The following ADCY2 variants were observed in gnomAD, a reference collection of about 807,000 sequenced individuals.
ADCY2 encodes adenylate cyclase 2.
In ADCY2, 31 loss-of-function variants were observed where a neutral mutation model predicts 125.2. The ratio of observed to expected loss-of-function variants is 0.25; its 90% CI spans 0.19 to 0.33. The LOEUF (loss-of-function observed/expected upper bound fraction) is 0.33, where lower values mean the gene tolerates loss of function less well. Ranked by LOEUF, ADCY2 falls within the 10% of genes least tolerant of loss-of-function variation. The probability of loss-of-function intolerance (pLI) is 1.00; values close to 1 mark genes in which losing one functional copy is unlikely to be tolerated. For synonymous variants in ADCY2, 512 were observed against 548.4 expected, an observed-to-expected ratio of 0.93 and a Z score of 0.93; for missense variants, 904 against 1,418.2, an observed-to-expected ratio of 0.64 and a Z score of 5.82.
chr5:7,708,238 T>C (rs1324171017), intron 9 of ADCY2: 3 of 156,730 alleles, frequency 1.9e-5, no homozygotes, highest in African/African-American at 4.8e-5. Context: ...TTAAGTAAAA[T>C]AGGATGAACA....
intron 4 of ADCY2, among the ~76,000 whole-genome samples, chr5:7,689,110 G>A (rs1318735945): frequency 6.6e-6 from 1 of 152,180 alleles, no homozygotes; most frequent in Non-Finnish European, 1.5e-5. Context: ...GCGGGATCAG[G>A]CCATGCCCTT....
chr5:7,638,166 G>A (rs76146278), intron 4 of ADCY2, among the ~76,000 whole-genome samples: 137 of 152,234 alleles, frequency 9.0e-4, no homozygotes, highest in African/African-American at 3.2e-3. Flanking sequence ...GCCTCCAGAT[G>A]GAATTTTCTT....
chr5:7,661,272 G>C (rs1162015574), intron 4 of ADCY2, among the ~76,000 whole-genome samples: 2 of 152,088 alleles, frequency 1.3e-5, no homozygotes, highest in Non-Finnish European at 2.9e-5. Context: ...GGTAGACAAA[G>C]ATTTAAAACA....
At chr5:7,746,254 GA>G (rs1237985416) in intron 15 of ADCY2, 2 of 152,490 alleles carry the variant, frequency 1.3e-5, no homozygotes, top group African/African-American at 2.4e-5. Context: ...AGGAAGCCTA[GA>G]CGTGGCGACA....
intron 16 of ADCY2, among the ~76,000 whole-genome samples, chr5:7,763,079 G>GC (rs1743279450): frequency 6.8e-6 from 1 of 147,842 alleles, no homozygotes; most frequent in Admixed American, 6.7e-5. Context: ...TTGTTTGTTT[G>GC]TTTTTCTGTT....
chr5:7,495,117 G>C (rs909260898), intron 2 of ADCY2, among the ~76,000 whole-genome samples: 11 of 152,186 alleles, frequency 7.2e-5, no homozygotes, highest in Admixed American at 4.6e-4. Context: ...ATATCCTGGT[G>C]ACTATCTTTA....
intron 18 of ADCY2, among the ~76,000 whole-genome samples, chr5:7,779,048 C>T (rs1316929569): frequency 6.6e-6 from 1 of 152,224 alleles, no homozygotes; most frequent in Non-Finnish European, 1.5e-5. Flanking sequence ...CTGTTTCCTG[C>T]ACCCTATGCC....
chr5:7,726,425 T>G (rs754538220), intron 13 of ADCY2, among the ~76,000 whole-genome samples: 1 of 152,200 alleles, frequency 6.6e-6, no homozygotes, highest in Non-Finnish European at 1.5e-5. Flanking sequence ...CAGGGCACTG[T>G]GCTGAATGTG....
At chr5:7,630,856 G>A (rs111938078) in intron 4 of ADCY2, among the ~76,000 whole-genome samples, 3,239 of 148,080 alleles carry the variant, frequency 0.022, 115 homozygotes, top group African/African-American at 0.077. Context: ...TCATGATCTC[G>A]GCTCACTGCA....
In ADCY2 at chr5:7,555,854, GCACACACACACACA is replaced by G. The variant is rs58926524; in HGVS notation, c.570+34972_570+34985del. Among the ~76,000 whole-genome samples, 3 of 142,556 alleles carry G rather than the reference GCACACACACACACA, an allele frequency of 2.1e-5. No individual in the cohort carries two copies. The East Asian group carries it at 6.3e-4, about 30-fold the overall frequency. 93.5% of individuals were successfully genotyped at this position (142,556 alleles called of 152,430 possible). A position where few individuals can be genotyped will look rare whatever the true frequency, so the allele number is the denominator to read the frequency against. On this transcript the variant is annotated intron_variant, in intron 3 of 24. Transcript: ENST00000338316. ...CCTTCTTTTACAGACACATGTGAGCGCACACACACACACACACACACACACACACAGACATGATT... is the reference window on the plus strand; with the variant it reads ...CCTTCTTTTACAGACACATGTGAGCGCACACACACACACACAGACATGATT...
chr5:7,505,766 A>G (rs1743788700), intron 2 of ADCY2, among the ~76,000 whole-genome samples: 1 of 152,206 alleles, frequency 6.6e-6, no homozygotes, highest in African/African-American at 2.4e-5. Context: ...TGTTGAATAC[A>G]CAAGTATAAA....
At chr5:7,742,428 A>G (rs1234050223) in intron 14 of ADCY2, among the ~76,000 whole-genome samples, 2 of 152,104 alleles carry the variant, frequency 1.3e-5, no homozygotes, top group East Asian at 3.9e-4. Flanking sequence ...AAATCTGAAC[A>G]AGTATTATTA....
intron 22 of ADCY2, among the ~76,000 whole-genome samples, chr5:7,815,540 T>G (rs1745081789): frequency 6.6e-6 from 1 of 152,264 alleles, no homozygotes. Flanking sequence ...AAATGAATTC[T>G]ACGCATATAC....
intron 7 of ADCY2, among the ~76,000 whole-genome samples, chr5:7,704,367 G>C (rs1741192469): frequency 6.6e-6 from 1 of 152,190 alleles, no homozygotes; most frequent in Non-Finnish European, 1.5e-5. Flanking sequence ...AGGCACTTCA[G>C]CTGCAGTTTT....
intron 14 of ADCY2, among the ~76,000 whole-genome samples, chr5:7,732,571 A>C (rs2126411385): frequency 6.6e-6 from 1 of 152,272 alleles, no homozygotes; most frequent in South Asian, 2.1e-4. Flanking sequence ...CTTTAAAGAA[A>C]CCATTTTGCC....
Position 7,495,635 on chromosome 5 carries a change from CT to C in ADCY2, c.409-25101del, listed in dbSNP as rs576124820. On this transcript the variant is annotated intron_variant, in intron 2 of 24. Transcript: ENST00000338316. Reference sequence around the variant, plus strand: ...TTTCATCTGTTGGTAATAAAAGTTGCTTCTTAAATAGTGTTTTATTTCCAAT... The same window carrying C: ...TTTCATCTGTTGGTAATAAAAGTTGCTCTTAAATAGTGTTTTATTTCCAAT... Among the ~76,000 whole-genome samples, 305 of 152,226 alleles carry C rather than the reference CT, an allele frequency of 2.0e-3. 1 individual carries two copies. The highest frequency in any genetic ancestry group is 6.9e-3 in the African/African-American group (286 of 41,534).
chr5:7,700,344 T>C (rs907976768), intron 7 of ADCY2, among the ~76,000 whole-genome samples: 2 of 152,164 alleles, frequency 1.3e-5, no homozygotes, highest in Admixed American at 6.5e-5. Context: ...CATCACAATT[T>C]TATTAGCAGT....
Position 7,766,776 on chromosome 5 carries a change from T to G in ADCY2, c.2184T>G (p.Ile728Met). Reference protein sequence around the residue: ...SFSASNNQVAILRAQNLFFLP... With the variant: ...SFSASNNQVAMLRAQNLFFLP... ...CAGCCTCAAATAATCAGGTGGCGAT[T>G]CTGCGTGCGCAGAATTTATTTTTCC... The change falls in exon 17 of 25, where the codon ATT becomes ATG. Residue 728 changes from isoleucine to methionine, a missense_variant. Physicochemically the swap from Ile to Met is conservative, Grantham distance 10. Around this residue, in one of 7 missense-constraint regions of ADCY2, gnomAD observed 221 missense variants for 246.2 expected, o/e 0.90. Transcript: ENST00000338316. 8 of 1,611,148 alleles carry G rather than the reference T, an allele frequency of 5.0e-6. No homozygotes were observed. The highest frequency in any genetic ancestry group is 6.8e-6 in the Non-Finnish European group (8 of 1,179,366).
chr5:7,515,359 TC>T (rs1451057691), intron 2 of ADCY2, among the ~76,000 whole-genome samples: 2 of 152,154 alleles, frequency 1.3e-5, no homozygotes, highest in Non-Finnish European at 2.9e-5. Flanking sequence ...CTTTGGAAGA[TC>T]TTATGTTTTG....
Sources: gnomAD v4.1 joint callset for allele counts (sites outside exome capture counted in the v4.1 genomes callset) on GRCh38, gnomAD v4.1.1 for gene constraint, gnomAD v4.1.1 regional missense constraint, MANE v1.5 for transcripts, NCBI Gene and HGNC (gene_info 2026-07-23, HGNC 2026-07-21) for gene names.